Variants in PCDH15 observed in about 807,000 individuals in gnomAD.
PCDH15 encodes the protein protocadherin related 15.
PCDH15 carries 129 observed loss-of-function variants against 178.5 expected under a neutral mutation model. That is an observed-to-expected ratio of 0.72 (90% confidence interval 0.63 to 0.84). PCDH15 has a LOEUF of 0.84. Among genes scored for constraint, PCDH15 ranks in the 40% least tolerant of loss-of-function variants. The pLI, the probability that PCDH15 is intolerant of heterozygous loss-of-function variation, is 0.00. For missense variants in PCDH15, 2,230 were observed against 2,099.9 expected, an observed-to-expected ratio of 1.06 and a Z score of -1.21; for synonymous variants, 800 against 732.0, an observed-to-expected ratio of 1.09 and a Z score of -1.50.
At chr10:54,170,234 C>G (rs10825252) in intron 13 of PCDH15, among the ~76,000 whole-genome samples, 6 of 151,372 alleles carry the variant, frequency 4.0e-5, no homozygotes, top group African/African-American at 1.5e-4. Context: ...CAATCGTGTC[C>G]GACTGATCTC....
intron 1 of PCDH15, among the ~76,000 whole-genome samples, chr10:55,292,104 C>T (rs1344193660): frequency 6.6e-6 from 1 of 152,162 alleles, no homozygotes; most frequent in Non-Finnish European, 1.5e-5. Context: ...CCAATCATGC[C>T]TTCCCAACAG....
chr10:53,821,835 C>T (rs765553225), intron 32 of PCDH15: 15 of 1,610,624 alleles, frequency 9.3e-6, no homozygotes, highest in South Asian at 6.6e-5. Flanking sequence ...GAGGTTTGCC[C>T]GACTAAAATA....
intron 1 of PCDH15, among the ~76,000 whole-genome samples, chr10:55,267,699 G>A (rs1842336507): frequency 6.6e-6 from 1 of 152,112 alleles, no homozygotes; most frequent in Admixed American, 6.6e-5. Context: ...TTTCAAAAAT[G>A]GTTATGACTT....
At chr10:54,077,402 T>C (rs2094360773) in intron 17 of PCDH15, among the ~76,000 whole-genome samples, 1 of 152,206 alleles carries the variant, frequency 6.6e-6, no homozygotes, top group East Asian at 1.9e-4. Context: ...TAGTAGATTG[T>C]GACTATTTTC....
rs143076540 is a variant in PCDH15 at position 55,373,743 on chromosome 10, T to C, written c.-155-207092A>G. Among the ~76,000 whole-genome samples the C allele has an allele frequency of 3.7e-3, 564 of 152,192 alleles. 4 individuals are homozygous for C. Among genetic ancestry groups the C allele is most frequent in the African/African-American group, 0.011 (468 of 41,540 alleles). ...CTACGTAAGAATGAGCTTTGGTCCA[T>C]GCCTATGTCCTGAATGGTATTGCCT... On this transcript the variant is annotated intron_variant, in intron 2 of 5. Coordinates refer to the PCDH15 transcript ENST00000613346.
At chr10:54,674,200 T>C (rs1032659461) in intron 1 of PCDH15, among the ~76,000 whole-genome samples, 2 of 152,208 alleles carry the variant, frequency 1.3e-5, no homozygotes, top group African/African-American at 4.8e-5. Flanking sequence ...CTGTTTCATT[T>C]ACAATAATTT....
chr10:54,799,423 G>C (rs892115800), intron 1 of PCDH15, among the ~76,000 whole-genome samples: 17 of 152,002 alleles, frequency 1.1e-4, no homozygotes, highest in African/African-American at 4.1e-4. Context: ...AATATTATCA[G>C]TGGGTATACC....
intron 2 of PCDH15, among the ~76,000 whole-genome samples, chr10:55,116,976 A>G (rs1271859563): frequency 6.6e-6 from 1 of 152,196 alleles, no homozygotes; most frequent in African/African-American, 2.4e-5. Context: ...GCTTATTACC[A>G]TTAGGTGACA....
chr10:55,333,712 G>T (rs1289726515), intron 2 of PCDH15, among the ~76,000 whole-genome samples: 1 of 151,988 alleles, frequency 6.6e-6, no homozygotes, highest in Non-Finnish European at 1.5e-5. Context: ...AATTATTGAA[G>T]TGTTGGGGGT....
intron 6 of PCDH15, among the ~76,000 whole-genome samples, chr10:54,339,563 T>C (rs1941845813): frequency 6.6e-6 from 1 of 152,172 alleles, no homozygotes; most frequent in Non-Finnish European, 1.5e-5. Flanking sequence ...AAAATGAACT[T>C]ATACAAAAGA....
chr10:54,213,001 A>G (rs1042225728), intron 10 of PCDH15, among the ~76,000 whole-genome samples: 2 of 152,114 alleles, frequency 1.3e-5, no homozygotes, highest in Non-Finnish European at 2.9e-5. Flanking sequence ...AGCTTAAACA[A>G]TGTTCATTCT....
intron 26 of PCDH15, among the ~76,000 whole-genome samples, chr10:53,892,518 G>A (rs906045423): frequency 1.8e-4 from 27 of 152,024 alleles, no homozygotes; most frequent in African/African-American, 5.8e-4. Flanking sequence ...CAAACAAACT[G>A]ATTTGTGTGG....
At chr10:55,258,638 G>A (rs1331011596) in intron 1 of PCDH15, among the ~76,000 whole-genome samples, 2 of 151,772 alleles carry the variant, frequency 1.3e-5, no homozygotes, top group African/African-American at 4.8e-5. Context: ...GAAAGGGGAT[G>A]CTTAGCATAA....
chr10:54,492,509 T>G (rs2079694362), intron 3 of PCDH15, among the ~76,000 whole-genome samples: 1 of 152,210 alleles, frequency 6.6e-6, no homozygotes, highest in Non-Finnish European at 1.5e-5. Flanking sequence ...TTTATTCAAG[T>G]GCTTGCTTTC....
intron 3 of PCDH15, among the ~76,000 whole-genome samples, chr10:54,838,218 C>G (rs978746516): frequency 3.3e-5 from 5 of 152,010 alleles, no homozygotes; most frequent in African/African-American, 9.7e-5. Context: ...ATGTCCCCAC[C>G]CAAATATCAC....
At chr10:54,657,272 C>T (rs1475713520) in intron 2 of PCDH15, among the ~76,000 whole-genome samples, 1 of 152,072 alleles carries the variant, frequency 6.6e-6, no homozygotes, top group Non-Finnish European at 1.5e-5. Context: ...TCCTGTCTGC[C>T]CAGGATGAGG....
At chr10:54,320,469 T>A (rs552766841) in intron 7 of PCDH15, among the ~76,000 whole-genome samples, 3 of 152,162 alleles carry the variant, frequency 2.0e-5, no homozygotes, top group East Asian at 3.9e-4. Flanking sequence ...ACATGTGGCA[T>A]GTGAGATAAT....
chr10:55,288,583 A>G (rs2132265498), intron 1 of PCDH15, among the ~76,000 whole-genome samples: 1 of 152,066 alleles, frequency 6.6e-6, no homozygotes. Flanking sequence ...GTATGAGTTT[A>G]ATTAATGTAT....
chr10:55,404,083 T>C (rs1838138492), intron 2 of PCDH15, among the ~76,000 whole-genome samples: 1 of 152,016 alleles, frequency 6.6e-6, no homozygotes, highest in Non-Finnish European at 1.5e-5. Context: ...GATGTAAATA[T>C]AGACAAAATA....
Sources: gnomAD v4.1 joint callset for allele counts (sites outside exome capture counted in the v4.1 genomes callset) on GRCh38, gnomAD v4.1.1 for gene constraint, MANE v1.5 for transcripts, NCBI Gene and HGNC (gene_info 2026-07-23, HGNC 2026-07-21) for gene names.